Variants in ADAM29 observed in about 807,000 individuals in gnomAD.
ADAM29 encodes the protein ADAM metallopeptidase domain 29.
For missense variants in ADAM29, 969 were observed against 1,001.8 expected (o/e 0.97, Z 0.44); for synonymous variants, 367 against 342.3 (o/e 1.07, Z -0.80).
chr4:174,936,698 T>C (rs940008320), intron 3 of ADAM29, among the ~76,000 whole-genome samples: 2 of 151,912 alleles, frequency 1.3e-5, no homozygotes, highest in Non-Finnish European at 2.9e-5. Flanking sequence ...ACAACTAAAA[T>C]TTACCTTCTA....
intron 4 of ADAM29, among the ~76,000 whole-genome samples, chr4:174,960,332 G>C (rs1200614432): frequency 6.6e-6 from 1 of 151,756 alleles, no homozygotes; most frequent in African/African-American, 2.4e-5. Context: ...TATCATTATG[G>C]ATTATTTAGA....
At chr4:174,941,672 T>C (rs1400275916) in intron 4 of ADAM29, among the ~76,000 whole-genome samples, 1 of 152,106 alleles carries the variant, frequency 6.6e-6, no homozygotes, top group African/African-American at 2.4e-5. Context: ...CAAATGAGGA[T>C]TGCAATTTGA....
At chr4:174,950,890 C>T (rs764219806) in intron 4 of ADAM29, among the ~76,000 whole-genome samples, 13 of 152,212 alleles carry the variant, frequency 8.5e-5, no homozygotes, top group Middle Eastern at 3.4e-3. Context: ...TTCTCTCTTT[C>T]TCTCTTTGTC....
intron 4 of ADAM29, among the ~76,000 whole-genome samples, chr4:174,950,443 T>C (rs1348925106): frequency 6.6e-6 from 1 of 152,240 alleles, no homozygotes; most frequent in Non-Finnish European, 1.5e-5. Flanking sequence ...TAGGAACTTT[T>C]GAATTCTCTG....
At chr4:174,921,580 G>A (rs142392599) in intron 2 of ADAM29, among the ~76,000 whole-genome samples, 88 of 152,266 alleles carry the variant, frequency 5.8e-4, no homozygotes, top group African/African-American at 2.0e-3. Context: ...ACAGGAATAT[G>A]TTACCATGTT....
intron 2 of ADAM29, among the ~76,000 whole-genome samples, chr4:174,922,515 G>A (rs1425726342): frequency 6.6e-6 from 1 of 152,046 alleles, no homozygotes; most frequent in Non-Finnish European, 1.5e-5. Context: ...ATGAGGCTGA[G>A]TTTCAATCAG....
At chr4:174,952,638 A>T (rs1745252994) in intron 4 of ADAM29, among the ~76,000 whole-genome samples, 1 of 152,156 alleles carries the variant, frequency 6.6e-6, no homozygotes, top group South Asian at 2.1e-4. Context: ...AGAGAAAAAA[A>T]GTGGGAGATG....
chr4:174,957,973 T>C (rs1348421780), intron 4 of ADAM29, among the ~76,000 whole-genome samples: 1 of 151,832 alleles, frequency 6.6e-6, no homozygotes, highest in Non-Finnish European at 1.5e-5. Context: ...TCTGAGTATT[T>C]GGAGATTTTC....
At chr4:174,947,327 C>G (rs1744913790) in intron 4 of ADAM29, among the ~76,000 whole-genome samples, 1 of 152,036 alleles carries the variant, frequency 6.6e-6, no homozygotes, top group Non-Finnish European at 1.5e-5. Flanking sequence ...CCTAGTTCCT[C>G]TAGATAACAT....
At chr4:174,967,036 G>A (rs1276635390) in intron 4 of ADAM29, among the ~76,000 whole-genome samples, 2 of 152,100 alleles carry the variant, frequency 1.3e-5, no homozygotes, top group African/African-American at 4.8e-5. Flanking sequence ...AATTGTGCTA[G>A]CTTTCATTTG....
intron 4 of ADAM29, among the ~76,000 whole-genome samples, chr4:174,973,140 G>C (rs1006241875): frequency 6.6e-6 from 1 of 152,220 alleles, no homozygotes; most frequent in Non-Finnish European, 1.5e-5. Context: ...GGGGGGCAGG[G>C]TCTGTGGCAT....
At chr4:174,935,817 T>G (rs1236662210) in intron 3 of ADAM29, among the ~76,000 whole-genome samples, 1 of 152,048 alleles carries the variant, frequency 6.6e-6, no homozygotes, top group Admixed American at 6.6e-5. Context: ...CAATTTGGGG[T>G]TTGCTCCTGG....
intron 4 of ADAM29, among the ~76,000 whole-genome samples, chr4:174,972,632 T>C (rs1239936302): frequency 2.0e-5 from 3 of 152,112 alleles, no homozygotes; most frequent in Non-Finnish European, 4.4e-5. Context: ...ACACTTGGGA[T>C]ATTTTTTCTG....
chr4:174,959,804 T>C (rs928698451), intron 4 of ADAM29, among the ~76,000 whole-genome samples: 1 of 152,002 alleles, frequency 6.6e-6, no homozygotes, highest in Admixed American at 6.6e-5. Flanking sequence ...CATTCATTTC[T>C]GTTACTTTAA....
intron 4 of ADAM29, among the ~76,000 whole-genome samples, chr4:174,957,957 C>T (rs770170445): frequency 6.6e-6 from 1 of 151,708 alleles, no homozygotes; most frequent in African/African-American, 2.4e-5. Flanking sequence ...ACAGCTTTGC[C>T]AGTATTCTGA....
intron 3 of ADAM29, among the ~76,000 whole-genome samples, chr4:174,936,634 G>A (rs554136137): frequency 3.8e-4 from 58 of 151,992 alleles, no homozygotes; most frequent in African/African-American, 1.4e-3. Context: ...TGAATGGCAA[G>A]GATAAAATAA....
intron 3 of ADAM29, among the ~76,000 whole-genome samples, chr4:174,932,210 C>G (rs1743921515): frequency 6.6e-6 from 1 of 152,004 alleles, no homozygotes; most frequent in African/African-American, 2.4e-5. Context: ...TCACTTGAAC[C>G]TGGGAGGTGG....
intron 2 of ADAM29, among the ~76,000 whole-genome samples, chr4:174,929,581 T>G (rs1037618902): frequency 1.3e-5 from 2 of 151,980 alleles, no homozygotes; most frequent in Admixed American, 1.3e-4. Context: ...GGGGCTAAGC[T>G]CCTCCCTGCT....
intron 4 of ADAM29, among the ~76,000 whole-genome samples, chr4:174,956,941 G>T (rs185903858): frequency 1.1e-3 from 169 of 151,984 alleles, no homozygotes; most frequent in African/African-American, 4.0e-3. Context: ...TTGTAAATCA[G>T]CATAGTCAAA....
Sources: gnomAD v4.1 joint callset for allele counts (sites outside exome capture counted in the v4.1 genomes callset) on GRCh38, gnomAD v4.1.1 for gene constraint, MANE v1.5 for transcripts, NCBI Gene and HGNC (gene_info 2026-07-23, HGNC 2026-07-21) for gene names.